CTSO: variants seen among roughly 807,000 people sequenced by gnomAD.
CTSO encodes the protein cathepsin O.
CTSO carries 40 observed loss-of-function variants against 42.4 expected under a neutral mutation model. The observed-to-expected ratio is 0.94, with a 90% confidence interval of 0.73 to 1.23. The LOEUF (loss-of-function observed/expected upper bound fraction) is 1.23, where lower values mean the gene tolerates loss of function less well. Among genes scored for constraint, CTSO ranks in the 50% most tolerant of loss-of-function variants. CTSO has a pLI of 0.00. For missense variants in CTSO, 441 were observed against 396.0 expected (o/e 1.11, Z -0.96); for synonymous variants, 156 against 146.2 (o/e 1.07, Z -0.48).
intron 1 of CTSO, among the ~76,000 whole-genome samples, chr4:155,944,106 T>G (rs1272314319): frequency 6.6e-6 from 1 of 152,220 alleles, no homozygotes. Flanking sequence ...TGACTGCTTA[T>G]ATGTCTTATT....
intron 3 of CTSO, among the ~76,000 whole-genome samples, chr4:155,940,104 A>G (rs899324183): frequency 3.3e-5 from 5 of 152,226 alleles, no homozygotes; most frequent in Non-Finnish European, 4.4e-5. Context: ...GTATGCTTAT[A>G]GTGGATGTAC....
At chr4:155,928,543 T>C (rs1268664690) in intron 6 of CTSO, 115 bp from the exon 7 acceptor site, 3 of 692,120 alleles carry the variant, frequency 4.3e-6, no homozygotes, top group African/African-American at 3.7e-5. Flanking sequence ...GAGAAGAAGA[T>C]TAAAAATGTA....
At chr4:155,950,721 T>C (rs1046189200) in intron 1 of CTSO, among the ~76,000 whole-genome samples, 1 of 151,650 alleles carries the variant, frequency 6.6e-6, no homozygotes, top group African/African-American at 2.4e-5. Flanking sequence ...TAGATTATCA[T>C]AGGAGCACAA....
chr4:155,930,498 A>G (rs1020833162), intron 5 of CTSO, among the ~76,000 whole-genome samples: 4 of 152,222 alleles, frequency 2.6e-5, no homozygotes, highest in Admixed American at 2.0e-4. Flanking sequence ...TCCTTCATTG[A>G]TCTTACAAGT....
rs747043692 is a variant in CTSO, at chr4:155,943,232, A to G, written c.168T>C (p.Ser56=). The G allele has an allele frequency of 3.1e-6, 5 of 1,611,220 alleles. No homozygotes were observed. In the Admixed American group the frequency reaches 6.7e-5, roughly 21 times the overall value. The change falls in exon 2 of 8, where the codon TCT becomes TCC. Residue 56 remains serine, a synonymous_variant. Transcript: ENST00000433477. ...CGGTGGAGTTTTCACTGGGAAATAA[A>G]GAATTCAAGTATCGATGTCTATTAA... ...ESLNRHRYLN[S]LFPSENSTAF...
intron 1 of CTSO, among the ~76,000 whole-genome samples, chr4:155,948,354 G>C (rs2110936075): frequency 7.2e-6 from 1 of 139,222 alleles, no homozygotes; most frequent in South Asian, 2.6e-4. Context: ...CTAAGAGGTA[G>C]AATCTCTTAA....
intron 3 of CTSO, among the ~76,000 whole-genome samples, chr4:155,940,463 A>C (rs780811211): frequency 6.6e-5 from 10 of 152,140 alleles, no homozygotes; most frequent in Non-Finnish European, 1.5e-4. Context: ...TATGGCTTTA[A>C]GTGCTTTTTT....
At position 155,953,795 on chromosome 4, in the gene CTSO, C is replaced by T; in HGVS notation, c.53G>A (p.Arg18Gln). 7.4e-7 allele frequency: 1 copy of T among 1,350,322 alleles called. No individual in the cohort carries two copies. The highest frequency in any genetic ancestry group is 9.5e-7 in the Non-Finnish European group (1 of 1,047,354). The allele number at this position is 1,350,322 out of a possible 1,614,324, so 83.6% of individuals were successfully genotyped here. A position where few individuals can be genotyped will look rare whatever the true frequency, so the allele number is the denominator to read the frequency against. ...WLPWLLWLLC[R>Q]GGGDADSRAP... ...GCGGGAGTCCGCATCGCCGCCGCCC[C>T]GGCACAGCAGCCACAGCAGCCACGG... The change falls in exon 1 of 8, where the codon CGG becomes CAG. Residue 18 changes from arginine (R) to glutamine (Q), a missense_variant. Physicochemically the swap from Arg to Gln is conservative, Grantham distance 43. Transcript: ENST00000433477.
rs771018128 is a variant in CTSO at position 155,942,356 on chromosome 4, C to T, written c.345G>A (p.Arg115=). The T allele has an allele frequency of 6.3e-7, 1 of 1,589,242 alleles. No individual in the cohort carries two copies. The highest frequency in any genetic ancestry group is 1.4e-5 in the African/African-American group (1 of 73,026). ...TCACTTGTGTCACAACCTGCTTGTCCCTCCAGTCAAATCTTAACGGCAAAG... is the reference window on the plus strand; with the variant it reads ...TCACTTGTGTCACAACCTGCTTGTCTCTCCAGTCAAATCTTAACGGCAAAG... ...NVSLPLRFDW[R]DKQVVTQVRN... The change falls in exon 3 of 8, where the codon AGG becomes AGA. Residue 115 remains arginine (R), a synonymous_variant. Coordinates refer to ENST00000433477, the MANE Select transcript of CTSO (RefSeq NM_001334.3).
Position 155,925,186 on chromosome 4 carries a change from C to G in CTSO, c.*850G>C, listed in dbSNP as rs1460649360. 1 of 47,946 alleles carries G rather than the reference C, an allele frequency of 2.1e-5. No individual in the cohort carries two copies. The highest frequency in any genetic ancestry group is 1.1e-4 in the Non-Finnish European group (1 of 9,476). 3.0% of individuals were successfully genotyped at this position (47,946 alleles called of 1,614,324 possible). On this transcript the variant is annotated 3_prime_UTR_variant, in exon 8 of 8. Transcript: ENST00000433477. ...TCTTTAGTCAGGGAAGCCAAGCCAC[C>G]AGGAAAACTTGGTAAAGAGTAAGAG...
chr4:155,952,542 G>GTA (rs2110942511), intron 1 of CTSO, among the ~76,000 whole-genome samples: 1 of 152,338 alleles, frequency 6.6e-6, no homozygotes, highest in African/African-American at 2.4e-5. Context: ...GAGGATAGGG[G>GTA]TAGAATACAG....
chr4:155,939,466 C>A lies in CTSO; in HGVS notation c.457G>T (p.Glu153Ter), dbSNP rs368304065. The A allele has an allele frequency of 3.7e-6, 6 of 1,614,024 alleles. No individual in the cohort carries two copies. The African/African-American group carries it at 8.0e-5, about 22-fold the overall frequency. ...ATGACCTGCTGGACACTTAGGTCTT[C>A]CAGGGGCTTCCCCTTTATTGCATAA... ...SAYAIKGKPL[E>*]DLSVQQVIDC... Residue 153 changes from glutamate (E) to a stop codon, truncating the protein, a stop_gained, in exon 4 of 8, where the codon GAA (glutamate) becomes TAA (stop). Transcript: ENST00000433477. LOFTEE classifies it high-confidence loss of function.
At chr4:155,939,272 C>G (rs899837941) in intron 4 of CTSO, 99 bp downstream of exon 4, 4 of 1,043,232 alleles carry the variant, frequency 3.8e-6, no homozygotes, top group Admixed American at 4.9e-5. Flanking sequence ...AACGTGGAAA[C>G]ATTATTTAAT....
chr4:155,948,435 G>A (rs1743586719), intron 1 of CTSO, among the ~76,000 whole-genome samples: 1 of 151,998 alleles, frequency 6.6e-6, no homozygotes, highest in African/African-American at 2.4e-5. Context: ...TATTTGAACT[G>A]TGATTTAAAT....
chr4:155,939,414 C>T lies in CTSO; in HGVS notation c.509G>A (p.Cys170Tyr), dbSNP rs1743387767. 1 of 1,614,018 alleles carries T rather than the reference C, an allele frequency of 6.2e-7. No individual in the cohort carries two copies. The highest frequency in any genetic ancestry group is 8.5e-7 in the Non-Finnish European group (1 of 1,179,918). Reference protein sequence around the residue: ...VIDCSYNNYGCNGGSTLNALN... With the variant: ...VIDCSYNNYGYNGGSTLNALN... ...AGCATTGAGAGTAGAGCCTCCATTGCAGCCATAATTATTATACGAACAGTC... is the reference window on the plus strand; with the variant it reads ...AGCATTGAGAGTAGAGCCTCCATTGTAGCCATAATTATTATACGAACAGTC... Residue 170 changes from cysteine (C) to tyrosine (Y), a missense_variant, in exon 4 of 8, where the codon TGC becomes TAC. Physicochemically the swap from Cys to Tyr is radical, Grantham distance 194. Transcript: ENST00000433477.
intron 1 of CTSO, among the ~76,000 whole-genome samples, chr4:155,943,519 G>A (rs150862905): frequency 1.5e-3 from 232 of 152,224 alleles, no homozygotes; most frequent in African/African-American, 5.2e-3. Flanking sequence ...CACCAGGTTT[G>A]TTGCAAGCAT....
intron 5 of CTSO, among the ~76,000 whole-genome samples, chr4:155,931,245 G>T (rs1743229085): frequency 6.6e-6 from 1 of 152,120 alleles, no homozygotes; most frequent in East Asian, 1.9e-4. Context: ...ATTTAAACAT[G>T]ATATATATAA....
intron 1 of CTSO, among the ~76,000 whole-genome samples, chr4:155,952,890 A>C (rs1468528129): frequency 6.6e-6 from 1 of 152,150 alleles, no homozygotes; most frequent in African/African-American, 2.4e-5. Context: ...GGCATCTTTC[A>C]TGAATTTAAA....
chr4:155,934,040 T>C (rs1024952530), intron 5 of CTSO, among the ~76,000 whole-genome samples: 7 of 152,220 alleles, frequency 4.6e-5, no homozygotes, highest in Non-Finnish European at 7.3e-5. Context: ...CTTCAGGTTA[T>C]GTCAGACACC....
Sources: gnomAD v4.1 joint callset for allele counts (sites outside exome capture counted in the v4.1 genomes callset) on GRCh38, gnomAD v4.1.1 for gene constraint, MANE v1.5 for transcripts, NCBI Gene and HGNC (gene_info 2026-07-23, HGNC 2026-07-21) for gene names.